The following TTC6 variants were observed in gnomAD, a reference collection of about 807,000 sequenced individuals.
TTC6 encodes the protein tetratricopeptide repeat domain 6.
Under a neutral mutation model 210.4 loss-of-function variants are expected in TTC6, and 172 were observed. The ratio of observed to expected loss-of-function variants is 0.82; its 90% confidence interval spans 0.72 to 0.93. The LOEUF is 0.93. Among genes scored for constraint, TTC6 ranks in the 40% least tolerant of loss-of-function variants. The probability of loss-of-function intolerance (pLI) is 0.00; values close to 1 mark genes in which losing one functional copy is unlikely to be tolerated. For synonymous variants in TTC6, 804 were observed against 819.6 expected, an observed-to-expected ratio of 0.98 and a Z score of 0.32; for missense variants, 2,414 against 2,318.1, an observed-to-expected ratio of 1.04 and a Z score of -0.85.
At chr14:37,622,308 C>T (rs2095652491) in exon 1 of TTC6, 1 of 1,533,990 alleles carries the variant, frequency 6.5e-7, no homozygotes, top group Non-Finnish European at 8.7e-7. Context: ...GCTTAAAGGC[C>T]CTGCGATGTC....
Position 37,698,240 on chromosome 14 carries a change from C to T in TTC6, c.1376+1405C>T, listed in dbSNP as rs553953094. Among the ~76,000 whole-genome samples the T allele has an allele frequency of 9.9e-5, 15 of 152,110 alleles. No homozygotes were observed. The South Asian group carries it at 1.2e-3, about 13-fold the overall frequency. On this transcript the variant is annotated intron_variant, in intron 4 of 30. Transcript: ENST00000553443. ...TTTCAACCTAAATTTTCTCACTAGCCCTCAAATTAAATTGTATTCTTGGGA... is the reference window on the plus strand; with the variant it reads ...TTTCAACCTAAATTTTCTCACTAGCTCTCAAATTAAATTGTATTCTTGGGA...
chr14:37,826,052 C>T lies in TTC6; in HGVS notation c.4975-143C>T, dbSNP rs554295259. On this transcript the variant is annotated intron_variant, in intron 27 of 30. Transcript: ENST00000553443. ...CAGCCACAGTATGCATTCAGTATGC[C>T]TACTTTCTGGTTTGAAAGAACTTAG... The T allele has an allele frequency of 5.0e-4, 367 of 736,722 alleles. 4 individuals are homozygous for T. The South Asian group carries it at 9.9e-3, about 20-fold the overall frequency. The allele number at this position is 736,722 out of a possible 1,614,324, so 45.6% of individuals were successfully genotyped here.
At position 37,721,847 on chromosome 14, in the gene TTC6, CATATATATATAT is replaced by C. The variant is rs35265224; in HGVS notation, c.1714-3032_1714-3021del. Among the ~76,000 whole-genome samples, 365 of 117,266 alleles carry C rather than the reference CATATATATATAT, an allele frequency of 3.1e-3. 2 individuals carry two copies. Among genetic ancestry groups the C allele is most frequent in the African/African-American group, 0.011 (347 of 31,128 alleles). The allele number at this position is 117,266 out of a possible 152,430, so 76.9% of individuals were successfully genotyped here. On this transcript the variant is annotated intron_variant, in intron 6 of 30. Transcript: ENST00000553443. The stretch of plus-strand genomic sequence containing the variant: ...CATGCTTTGGCACTGTGAGTTTCAC[CATATATATATAT>C]ATATATATATATATATATGTATATA...
intron 1 of TTC6, among the ~76,000 whole-genome samples, chr14:37,670,305 G>A: frequency 6.6e-6 from 1 of 152,026 alleles, no homozygotes; most frequent in East Asian, 1.9e-4. Context: ...CATGGAATGT[G>A]TCTTTCAAAG....
intron 1 of TTC6, among the ~76,000 whole-genome samples, chr14:37,634,371 T>G (rs2095675850): frequency 6.6e-6 from 1 of 152,092 alleles, no homozygotes; most frequent in Admixed American, 6.6e-5. Context: ...CATTAGCTGA[T>G]TGGAGAAGAC....
At chr14:37,753,025 A>G (rs2095956901) in intron 13 of TTC6, 74 bp from the exon 16 acceptor site, 4 of 1,151,898 alleles carry the variant, frequency 3.5e-6, no homozygotes, top group South Asian at 2.4e-5. Context: ...ACATAGTTTT[A>G]GATCACTTAT....
At chr14:37,632,100 C>G (rs1480412698) in intron 1 of TTC6, among the ~76,000 whole-genome samples, 2 of 152,158 alleles carry the variant, frequency 1.3e-5, no homozygotes, top group African/African-American at 4.8e-5. Context: ...TACCCACTTT[C>G]TGAAGCCTAC....
chr14:37,680,283 C>A, intron 2 of TTC6, 22 bp downstream of exon 4: 1 of 1,408,348 alleles, frequency 7.1e-7, no homozygotes, highest in Non-Finnish European at 9.6e-7. Flanking sequence ...AATAAAAATC[C>A]TCCTTGCCTC....
intron 29 of TTC6, among the ~76,000 whole-genome samples, chr14:37,831,704 A>T (rs1449487724): frequency 6.6e-6 from 1 of 151,636 alleles, no homozygotes; most frequent in Admixed American, 6.6e-5. Flanking sequence ...ATGGTTAGTG[A>T]TGTTCAACAT....
chr14:37,720,524 A>G (rs1049031991), intron 6 of TTC6: 2 of 149,980 alleles, frequency 1.3e-5, no homozygotes, highest in East Asian at 3.9e-4. Context: ...CAGCCTCCTT[A>G]CCCATGAGCT....
chr14:37,603,239 C>A lies in TTC6; in HGVS notation c.-234-3424C>A, dbSNP rs868050521. 2.0e-5 allele frequency among the ~76,000 whole-genome samples: 3 copies of A among 152,206 alleles called. No homozygotes were observed. In the South Asian group the frequency reaches 6.2e-4, roughly 31 times the overall value. On this transcript the variant is annotated intron_variant, in intron 1 of 2. Coordinates refer to the TTC6 transcript ENST00000556845. ...TAATATGCTAGGGAACCCAGCCAGG[C>A]CCTCTGTGCCTCCGTTTCCTCTTTT...
At chr14:37,643,030 G>A (rs2095694980) in intron 1 of TTC6, among the ~76,000 whole-genome samples, 1 of 152,256 alleles carries the variant, frequency 6.6e-6, no homozygotes, top group African/African-American at 2.4e-5. Flanking sequence ...TTATCTGGCC[G>A]GGTGTGGTGG....
At chr14:37,672,842 C>CTTTTTTTTTTTTTTTT (rs2095761131) in intron 1 of TTC6, among the ~76,000 whole-genome samples, 1 of 93,024 alleles carries the variant, frequency 1.1e-5, no homozygotes, top group African/African-American at 4.7e-5. Flanking sequence ...TTTTTTTTTA[C>CTTTTTTTTTTTTTTTT]TAAAAGCACT....
intron 3 of TTC6, among the ~76,000 whole-genome samples, chr14:37,688,392 T>A (rs1193595912): frequency 1.3e-5 from 2 of 152,144 alleles, no homozygotes; most frequent in Admixed American, 1.3e-4. Context: ...GACATAGGTC[T>A]GGCTGGTTTT....
Position 37,639,879 on chromosome 14 carries a change from C to A in TTC6, c.939+16876C>A, listed in dbSNP as rs542616971. Among the ~76,000 whole-genome samples, 80 of 143,702 alleles carry A rather than the reference C, an allele frequency of 5.6e-4. 1 individual carries two copies. The highest frequency in any genetic ancestry group is 1.8e-3 in the African/African-American group (71 of 38,558). 94.3% of individuals were successfully genotyped at this position (143,702 alleles called of 152,430 possible). ...CCAACCTGGGTGACAGAGTGAGACCCTGTCTTAAAAAAAAAAAAAAAAGGA... is the reference window on the plus strand; with the variant it reads ...CCAACCTGGGTGACAGAGTGAGACCATGTCTTAAAAAAAAAAAAAAAAGGA... On this transcript the variant is annotated intron_variant, in intron 1 of 30. Coordinates refer to ENST00000553443, the Ensembl canonical transcript of TTC6.
intron 3 of TTC6, among the ~76,000 whole-genome samples, chr14:37,687,640 G>C (rs1317916342): frequency 6.6e-6 from 1 of 152,088 alleles, no homozygotes; most frequent in Non-Finnish European, 1.5e-5. Context: ...TACATACCGA[G>C]CTCAGCCACA....
chr14:37,826,436 T>A, intron 28 of TTC6, 89 bp downstream of exon 30: 1 of 1,178,948 alleles, frequency 8.5e-7, no homozygotes, highest in Non-Finnish European at 1.1e-6. Flanking sequence ...GTTAGCTTTT[T>A]AAAGTGACTT....
rs1332599893 is a variant in TTC6 at position 37,651,517 on chromosome 14, C to G, written c.939+28514C>G. The stretch of plus-strand genomic sequence containing the variant: ...TGAATTTTCCTTTCATAAATATTGT[C>G]AAGTACCTTCAAGCTGCCACATATT... On this transcript the variant is annotated intron_variant, in intron 1 of 30. Transcript: ENST00000553443. 4.3e-5 allele frequency among the ~76,000 whole-genome samples: 6 copies of G among 139,896 alleles called. No homozygotes were observed. In the East Asian group the frequency reaches 1.4e-3, roughly 32 times the overall value. The allele number at this position is 139,896 out of a possible 152,430, so 91.8% of individuals were successfully genotyped here. A position where few individuals can be genotyped will look rare whatever the true frequency, so the allele number is the denominator to read the frequency against.
At chr14:37,794,180 A>G (rs984871181) in intron 17 of TTC6, among the ~76,000 whole-genome samples, 1 of 152,170 alleles carries the variant, frequency 6.6e-6, no homozygotes, top group African/African-American at 2.4e-5. Flanking sequence ...ACATATGACT[A>G]TATGATTTAT....
Sources: allele counts gnomAD v4.1 joint callset (sites outside exome capture counted in the v4.1 genomes callset), GRCh38; gene constraint gnomAD v4.1.1; transcripts MANE v1.5; gene names NCBI Gene and HGNC (gene_info 2026-07-23, HGNC 2026-07-21).